The following UBXN2B variants were observed in gnomAD, a reference collection of about 807,000 sequenced individuals.
UBXN2B encodes UBX domain-containing protein 2B.
In UBXN2B, 19 loss-of-function variants were observed where a neutral mutation model predicts 37.5. The observed-to-expected ratio is 0.51, with a 90% CI of 0.35 to 0.74. The LOEUF (loss-of-function observed/expected upper bound fraction) is 0.74. Among genes scored for constraint, UBXN2B ranks in the 30% least tolerant of loss-of-function variants. UBXN2B has a pLI of 0.01. For synonymous variants in UBXN2B, 145 were observed against 143.8 expected (o/e 1.01, Z -0.06); for missense variants, 370 against 393.2 (o/e 0.94, Z 0.50).
At chr8:58,425,023 A>G (rs190764262) in intron 2 of UBXN2B, 16 of 782,032 alleles carry the variant, frequency 2.0e-5, no homozygotes, top group East Asian at 1.9e-4. Flanking sequence ...CCTTGCATGC[A>G]TGATGCGTTC....
At chr8:58,421,837 A>G (rs1433930173) in intron 2 of UBXN2B, among the ~76,000 whole-genome samples, 1 of 152,260 alleles carries the variant, frequency 6.6e-6, no homozygotes, top group Non-Finnish European at 1.5e-5. Context: ...ACATAAGAAC[A>G]TGATAGTTTG....
chr8:58,423,733 C>T (rs1450290350), intron 2 of UBXN2B, among the ~76,000 whole-genome samples: 2 of 143,864 alleles, frequency 1.4e-5, no homozygotes, highest in East Asian at 4.0e-4. Flanking sequence ...CCGCGCCCAG[C>T]CGGGGATGGG....
chr8:58,430,700 G>T, intron 3 of UBXN2B, 31 bp downstream of exon 3: 1 of 1,367,370 alleles, frequency 7.3e-7, no homozygotes, highest in Admixed American at 2.8e-5. Flanking sequence ...TAAATACATT[G>T]TTTCTATATT....
At chr8:58,412,052 G>T (rs963102368) in intron 1 of UBXN2B, among the ~76,000 whole-genome samples, 1 of 152,198 alleles carries the variant, frequency 6.6e-6, no homozygotes, top group Non-Finnish European at 1.5e-5. Context: ...TCGTAATGTT[G>T]TGTAGGACAC....
chr8:58,412,056 A>C (rs1395560718), intron 1 of UBXN2B, among the ~76,000 whole-genome samples: 1 of 152,244 alleles, frequency 6.6e-6, no homozygotes, highest in Non-Finnish European at 1.5e-5. Flanking sequence ...AATGTTGTGT[A>C]GGACACTAGT....
At chr8:58,438,253 C>G (rs1454199875) in intron 5 of UBXN2B, among the ~76,000 whole-genome samples, 4 of 152,186 alleles carry the variant, frequency 2.6e-5, no homozygotes, top group Non-Finnish European at 5.9e-5. Flanking sequence ...AGGGCCACGC[C>G]AAAGGGAAAT....
At chr8:58,426,574 G>T (rs1808097856) in intron 2 of UBXN2B, 1 of 753,308 alleles carries the variant, frequency 1.3e-6, no homozygotes, top group South Asian at 1.3e-5. Context: ...AAGTCTCCAG[G>T]GTTACTTTTA....
intron 7 of UBXN2B, 61 bp downstream of exon 7, chr8:58,446,129 G>A (rs1047727464): frequency 6.8e-7 from 1 of 1,470,892 alleles, no homozygotes. Context: ...GCTTATCTAA[G>A]TAGAACTGTA....
chr8:58,446,339 C>T (rs1183877587), intron 7 of UBXN2B, among the ~76,000 whole-genome samples: 2 of 151,988 alleles, frequency 1.3e-5, no homozygotes, highest in Non-Finnish European at 2.9e-5. Context: ...TATAGTTTTA[C>T]GTTGTTACTA....
intron 3 of UBXN2B, among the ~76,000 whole-genome samples, chr8:58,432,720 T>G (rs180884337): frequency 6.5e-4 from 99 of 152,290 alleles, no homozygotes; most frequent in African/African-American, 2.1e-3. Flanking sequence ...ATTGATATAC[T>G]AAAGACGAAC....
At chr8:58,431,090 A>G (rs946249499) in intron 3 of UBXN2B, among the ~76,000 whole-genome samples, 3 of 152,180 alleles carry the variant, frequency 2.0e-5, no homozygotes, top group East Asian at 1.9e-4. Context: ...TCTCCTTCAT[A>G]GCCTACCATT....
At chr8:58,423,121 C>G (rs1807972795) in intron 2 of UBXN2B, among the ~76,000 whole-genome samples, 1 of 146,748 alleles carries the variant, frequency 6.8e-6, no homozygotes, top group Non-Finnish European at 1.5e-5. Flanking sequence ...TCATCATCAT[C>G]AATAGAGGGC....
At chr8:58,441,886 C>A (rs1330093526) in intron 6 of UBXN2B, among the ~76,000 whole-genome samples, 2 of 152,244 alleles carry the variant, frequency 1.3e-5, no homozygotes, top group Middle Eastern at 3.4e-3. Context: ...AGGTTTCTTA[C>A]AGGATCTTGT....
intron 6 of UBXN2B, among the ~76,000 whole-genome samples, chr8:58,442,031 G>A (rs1162159139): frequency 6.6e-6 from 1 of 152,136 alleles, no homozygotes; most frequent in Non-Finnish European, 1.5e-5. Flanking sequence ...TGAAACTAGG[G>A]ACTAGATACT....
chr8:58,434,819 G>C lies in UBXN2B; in HGVS notation c.533+315G>C, dbSNP rs1369941782. ...TCAGTGAATTAATTAGTATGTAGCT[G>C]CCCACCCACTAAGCCACTGTCCTGC... On this transcript the variant is annotated intron_variant, in intron 5 of 7. Transcript: ENST00000399598. The C allele has an allele frequency of 2.6e-6, 4 of 1,534,960 alleles. No individual in the cohort carries two copies. The South Asian group carries it at 3.6e-5, about 14-fold the overall frequency.
chr8:58,426,063 G>A, intron 2 of UBXN2B: 2 of 1,388,640 alleles, frequency 1.4e-6, no homozygotes, highest in East Asian at 2.3e-5. Context: ...GCACAGTTCA[G>A]AGGATATTTA....
intron 5 of UBXN2B, among the ~76,000 whole-genome samples, chr8:58,439,041 T>G (rs908204362): frequency 2.0e-5 from 3 of 152,154 alleles, no homozygotes; most frequent in Admixed American, 2.0e-4. Flanking sequence ...TTGCTTCTGC[T>G]CTTGCCATGT....
chr8:58,434,983 C>T, intron 5 of UBXN2B: 1 of 1,533,178 alleles, frequency 6.5e-7, no homozygotes, highest in Non-Finnish European at 8.7e-7. Flanking sequence ...AAAGTAAACT[C>T]AGATATTCAG....
At chr8:58,445,429 A>G (rs1808644351) in intron 6 of UBXN2B, among the ~76,000 whole-genome samples, 1 of 152,210 alleles carries the variant, frequency 6.6e-6, no homozygotes, top group Non-Finnish European at 1.5e-5. Flanking sequence ...AATAGCTGGC[A>G]CCCGTTGAAA....
Sources: allele counts gnomAD v4.1 joint callset (sites outside exome capture counted in the v4.1 genomes callset), GRCh38; gene constraint gnomAD v4.1.1; transcripts MANE v1.5; gene names NCBI Gene and HGNC (gene_info 2026-07-23, HGNC 2026-07-21).